CAMTA1: variants seen among roughly 807,000 people sequenced by gnomAD.
CAMTA1 encodes calmodulin-binding transcription activator 1.
CAMTA1 carries 27 observed loss-of-function variants against 170.9 expected under a neutral mutation model. The observed-to-expected ratio is 0.16, with a 90% CI of 0.12 to 0.22. The LOEUF (loss-of-function observed/expected upper bound fraction) is 0.22. Ranked by LOEUF, CAMTA1 falls within the 10% of genes least tolerant of loss-of-function variation. CAMTA1 has a pLI of 1.00. For missense variants in CAMTA1, 1,619 were observed against 2,217.2 expected, an observed-to-expected ratio of 0.73 and a Z score of 5.42; for synonymous variants, 833 against 891.5, an observed-to-expected ratio of 0.93 and a Z score of 1.17.
rs1249100760 is a variant in CAMTA1, at chr1:7,426,736, G to A, written c.439-41094G>A. ...CAGGAGAAATCTGAGATTCAGAGAC[G>A]TGGGAGTTCCGAATGAGATCATTTT... is the stretch of plus-strand genomic sequence containing the variant. On this transcript the variant is annotated intron_variant, in intron 5 of 22. Transcript: ENST00000303635. The surrounding 1 kb of genome is among the most constrained non-coding windows in gnomAD (Gnocchi z 4.8). Among the ~76,000 whole-genome samples, 5 of 152,186 alleles carry A rather than the reference G, an allele frequency of 3.3e-5. No homozygotes were observed. The highest frequency in any genetic ancestry group is 6.5e-5 in the Admixed American group (1 of 15,278).
At chr1:7,328,711 A>T (rs2082846722) in intron 5 of CAMTA1, among the ~76,000 whole-genome samples, 4 of 146,448 alleles carry the variant, frequency 2.7e-5, no homozygotes, top group Admixed American at 1.4e-4. Flanking sequence ...TCTCTCTTTG[A>T]CTATCTAGTA....
In CAMTA1 at chr1:7,251,959, A is replaced by G. The variant is rs572228863; in HGVS notation, c.438+2333A>G. 5.9e-5 allele frequency among the ~76,000 whole-genome samples: 9 copies of G among 152,260 alleles called. No individual in the cohort carries two copies. Among genetic ancestry groups the G allele is most frequent in the African/African-American group, 2.2e-4 (9 of 41,556 alleles). ...CTGCATTGTGGTCTGAGCTGTGTCTATGTTGATATTGAGGTCTCTTCATCC... is the reference window on the plus strand; with the variant it reads ...CTGCATTGTGGTCTGAGCTGTGTCTGTGTTGATATTGAGGTCTCTTCATCC... On this transcript the variant is annotated intron_variant, in intron 5 of 22. Transcript: ENST00000303635. This position sits in a 1 kb window ranked among gnomAD's most constrained non-coding sequence, Gnocchi z 5.1.
intron 6 of CAMTA1, among the ~76,000 whole-genome samples, chr1:7,590,994 G>A (rs966793765): frequency 7.9e-5 from 12 of 152,294 alleles, no homozygotes; most frequent in Middle Eastern, 3.4e-3. Context: ...TGGTGATTCC[G>A]TGATTATCAA....
At chr1:7,290,833 C>T (rs148413089) in intron 5 of CAMTA1, among the ~76,000 whole-genome samples, 182 of 152,084 alleles carry the variant, frequency 1.2e-3, no homozygotes, top group African/African-American at 4.2e-3. Flanking sequence ...TTTATTCCAT[C>T]GATACTTTTA....
intron 6 of CAMTA1, among the ~76,000 whole-genome samples, chr1:7,608,652 G>C (rs189568437): frequency 4.6e-5 from 7 of 152,332 alleles, no homozygotes; most frequent in African/African-American, 1.7e-4. Context: ...TTTCTCCTTA[G>C]AAAATCTGAT....
chr1:7,496,864 C>G (rs1196143743), intron 6 of CAMTA1, among the ~76,000 whole-genome samples: 3 of 151,748 alleles, frequency 2.0e-5, no homozygotes, highest in African/African-American at 7.3e-5. Flanking sequence ...CTGCTAGTCA[C>G]TGCACGGTCA....
intron 22 of CAMTA1, among the ~76,000 whole-genome samples, chr1:7,757,877 A>G (rs2096942635): frequency 6.6e-6 from 1 of 152,212 alleles, no homozygotes; most frequent in Admixed American, 6.5e-5. Flanking sequence ...CGTAAACTTA[A>G]CTAATTAATC....
At chr1:6,904,429 CT>C (rs1240737140) in intron 3 of CAMTA1, among the ~76,000 whole-genome samples, 1 of 152,154 alleles carries the variant, frequency 6.6e-6, no homozygotes, top group African/African-American at 2.4e-5. Flanking sequence ...GCTCTCTTTT[CT>C]TTTACTAAGA....
intron 4 of CAMTA1, among the ~76,000 whole-genome samples, chr1:7,145,171 C>T (rs1646109644): frequency 6.6e-6 from 1 of 152,196 alleles, no homozygotes; most frequent in Admixed American, 6.5e-5. Context: ...GAAGTATTAA[C>T]CCCAAGGGGT....
At chr1:7,155,915 T>C (rs1646851269) in intron 4 of CAMTA1, among the ~76,000 whole-genome samples, 1 of 152,130 alleles carries the variant, frequency 6.6e-6, no homozygotes, top group Admixed American at 6.5e-5. Context: ...TCCACATTTA[T>C]GGGGCATCTC....
intron 6 of CAMTA1, among the ~76,000 whole-genome samples, chr1:7,558,301 G>A (rs530646798): frequency 1.8e-4 from 28 of 152,292 alleles, no homozygotes; most frequent in Non-Finnish European, 2.2e-4. Context: ...AACATGCTGC[G>A]GCGTCCCCCA....
intron 5 of CAMTA1, among the ~76,000 whole-genome samples, chr1:7,320,235 T>C (rs952458917): frequency 6.6e-6 from 1 of 152,246 alleles, no homozygotes; most frequent in Non-Finnish European, 1.5e-5. Context: ...CGATACTTGC[T>C]GTAAAGTTTT....
In CAMTA1 at chr1:7,682,951, C is replaced by G. The variant is rs985163186; in HGVS notation, c.2914+5218C>G. Among the ~76,000 whole-genome samples the G allele has an allele frequency of 2.0e-5, 3 of 152,190 alleles. No homozygotes were observed. The highest frequency in any genetic ancestry group is 4.8e-5 in the African/African-American group (2 of 41,440). On this transcript the variant is annotated intron_variant, in intron 11 of 22. Coordinates refer to ENST00000303635, the MANE Select transcript of CAMTA1 (RefSeq NM_015215.4). The surrounding 1 kb of genome is among the most constrained non-coding windows in gnomAD (Gnocchi z 5.0). Reference sequence around the variant, plus strand: ...CTTTGGGAGGCCGAGGCAGGCGGATCACAAGGTCAGGAGATCGAGCCCATC... The same window carrying G: ...CTTTGGGAGGCCGAGGCAGGCGGATGACAAGGTCAGGAGATCGAGCCCATC...
At chr1:6,876,248 C>T (rs922557760) in intron 3 of CAMTA1, among the ~76,000 whole-genome samples, 41 of 152,112 alleles carry the variant, frequency 2.7e-4, no homozygotes, top group African/African-American at 8.9e-4. Flanking sequence ...TTTCTTCCAC[C>T]ATCTGGCGTA....
At chr1:7,617,744 G>T (rs547666843) in intron 6 of CAMTA1, among the ~76,000 whole-genome samples, 16 of 131,104 alleles carry the variant, frequency 1.2e-4, no homozygotes, top group African/African-American at 3.8e-4. Flanking sequence ...ATTTCCAGAG[G>T]ACCAGGATTC....
intron 4 of CAMTA1, among the ~76,000 whole-genome samples, chr1:7,232,820 C>T (rs1049636148): frequency 2.6e-5 from 4 of 152,128 alleles, no homozygotes; most frequent in South Asian, 4.1e-4. Context: ...AGTTTTCATC[C>T]GAATGGCTCC....
chr1:7,510,348 G>C (rs1356186224), intron 6 of CAMTA1, among the ~76,000 whole-genome samples: 2 of 145,344 alleles, frequency 1.4e-5, no homozygotes, highest in African/African-American at 4.9e-5. Flanking sequence ...GCGATTCCCA[G>C]GCTGGCATTG....
chr1:6,876,685 C>T (rs751191796), intron 3 of CAMTA1, among the ~76,000 whole-genome samples: 2 of 152,220 alleles, frequency 1.3e-5, no homozygotes, highest in African/African-American at 2.4e-5. Flanking sequence ...CTTAATTTGT[C>T]TTAGTATCTG....
At chr1:7,281,931 A>G (rs1671580729) in intron 5 of CAMTA1, among the ~76,000 whole-genome samples, 1 of 151,888 alleles carries the variant, frequency 6.6e-6, no homozygotes. Flanking sequence ...CCAGAAATCC[A>G]TGTTCCTCCG....
Sources: allele counts gnomAD v4.1 joint callset (sites outside exome capture counted in the v4.1 genomes callset), GRCh38; gene constraint gnomAD v4.1.1; non-coding constraint Gnocchi (gnomAD v3.1); transcripts MANE v1.5; gene names NCBI Gene and HGNC (gene_info 2026-07-23, HGNC 2026-07-21).